DEAF1: variants seen among roughly 807,000 people sequenced by gnomAD.
The protein encoded by DEAF1 is DEAF1 transcription factor, also known as deformed epidermal autoregulatory factor 1 homolog.
In DEAF1, 53 loss-of-function variants were observed where a neutral mutation model predicts 58.9. The observed-to-expected ratio is 0.90, with a 90% CI of 0.72 to 1.13. The LOEUF (loss-of-function observed/expected upper bound fraction) is 1.13, where lower values mean the gene tolerates loss of function less well. DEAF1 is among the 50% of genes most tolerant of loss of function. DEAF1 has a pLI of 0.00. For missense variants in DEAF1, 685 were observed against 791.4 expected (o/e 0.87, Z 1.61); for synonymous variants, 385 against 340.4 (o/e 1.13, Z -1.44).
intron 10 of DEAF1, among the ~76,000 whole-genome samples, chr11:655,777 A>G (rs1439811600): frequency 2.0e-5 from 3 of 152,240 alleles, no homozygotes; most frequent in African/African-American, 7.2e-5. Flanking sequence ...CAGGAGCATT[A>G]GGAGGAATTT....
intron 1 of DEAF1, 127 bp from the exon 2 acceptor site, chr11:691,725 T>C (rs999969000): frequency 2.6e-6 from 2 of 764,928 alleles, no homozygotes; most frequent in African/African-American, 3.4e-5. Flanking sequence ...CAGGAAGATC[T>C]TAACACTTCC....
At chr11:695,986 C>G (rs532041455), upstream of DEAF1, 1 of 713,994 alleles carries the variant, frequency 1.4e-6, no homozygotes, top group African/African-American at 1.9e-5. Context: ...GCTCCGTCAC[C>G]CCATCGAGAA....
intron 10 of DEAF1, among the ~76,000 whole-genome samples, chr11:667,674 T>G (rs1315266111): frequency 5.9e-5 from 9 of 151,888 alleles, no homozygotes; most frequent in African/African-American, 2.2e-4. Flanking sequence ...CTGGGCATGG[T>G]GGTGTGTGCC....
At chr11:704,505 C>T (rs1315037294) in intron 1 of DEAF1, 14 of 1,289,194 alleles carry the variant, frequency 1.1e-5, no homozygotes, top group Admixed American at 4.6e-5. Flanking sequence ...CTGAGCGCCT[C>T]GGGCCACCTC....
intron 9 of DEAF1, among the ~76,000 whole-genome samples, chr11:676,945 G>C (rs1256016747): frequency 6.6e-6 from 1 of 152,176 alleles, no homozygotes; most frequent in Non-Finnish European, 1.5e-5. Context: ...ACGTGCACAT[G>C]AGAACATTTC....
chr11:678,613 C>G, intron 9 of DEAF1, 81 bp downstream of exon 9: 1 of 1,600,468 alleles, frequency 6.2e-7, no homozygotes, highest in Non-Finnish European at 8.6e-7. Context: ...CAAAATGAAT[C>G]CCATTTCACT....
chr11:701,471 C>G (rs1169174934), intron 1 of DEAF1, among the ~76,000 whole-genome samples: 1 of 133,528 alleles, frequency 7.5e-6, no homozygotes, highest in African/African-American at 2.9e-5. Context: ...AGTGCAGTGG[C>G]GTGAACTTGG....
At chr11:704,967 T>C in intron 1 of DEAF1, 1 of 322,134 alleles carries the variant, frequency 3.1e-6, no homozygotes, top group Non-Finnish European at 6.1e-6. Flanking sequence ...CAGGGCAAGC[T>C]CATGCATGGA....
rs769218560 is a variant in DEAF1, at chr11:681,027, T to C, written c.933A>G (p.Thr311=). Residue 311 remains threonine (T), a synonymous_variant, in exon 7 of 12, where the codon ACA becomes ACG. Transcript: ENST00000382409. ...TGGGGGAGTCCTTCTTCACGGGAGT[T>C]GTGGGCAGTTCATTCTCCTTCTTGC... ...KRRKKENELP[T]TPVKKDSPKN... is the part of the protein sequence containing the mutation. 6.2e-7 allele frequency: 1 copy of C among 1,614,096 alleles called. No individual in the cohort carries two copies. The highest frequency in any genetic ancestry group is 8.5e-7 in the Non-Finnish European group (1 of 1,180,012).
chr11:644,390 C>T lies in DEAF1; in HGVS notation c.*160G>A, dbSNP rs570556059. The T allele has an allele frequency of 5.9e-6, 4 of 680,412 alleles. No homozygotes were observed. The highest frequency in any genetic ancestry group is 5.4e-5 in the East Asian group (2 of 36,750). 42.1% of individuals were successfully genotyped at this position (680,412 alleles called of 1,614,324 possible). On this transcript the variant is annotated 3_prime_UTR_variant, in exon 12 of 12. Coordinates refer to ENST00000382409, the MANE Select transcript of DEAF1 (RefSeq NM_021008.4). The surrounding 1 kb of genome is among the most constrained non-coding windows in gnomAD (Gnocchi z 4.3). ...CAGGGGGAGTGCGCTTCCCAGGGCACCATTCGCTTAAAGTGTGTTAATGAC... is the reference window on the plus strand; with the variant it reads ...CAGGGGGAGTGCGCTTCCCAGGGCATCATTCGCTTAAAGTGTGTTAATGAC...
chr11:692,211 G>A (rs1292570333), intron 1 of DEAF1: 1 of 176,234 alleles, frequency 5.7e-6, no homozygotes. Context: ...CTGGCATGCA[G>A]ACAGGCCCTT....
At chr11:680,872 G>A in intron 7 of DEAF1, 91 bp downstream of exon 7, 1 of 1,567,178 alleles carries the variant, frequency 6.4e-7, no homozygotes, top group South Asian at 1.1e-5. Context: ...TTAGAAGTGA[G>A]AATCCCGCAG....
At chr11:649,112 A>C (rs574939483) in intron 11 of DEAF1, among the ~76,000 whole-genome samples, 4 of 152,118 alleles carry the variant, frequency 2.6e-5, no homozygotes, top group African/African-American at 9.6e-5. Flanking sequence ...TTAGCCTGGC[A>C]TGGTGGTGCA....
chr11:656,799 G>T (rs1227367684), intron 10 of DEAF1, among the ~76,000 whole-genome samples: 2 of 152,224 alleles, frequency 1.3e-5, no homozygotes, highest in African/African-American at 2.4e-5. Context: ...TGCCTCGCAG[G>T]CGCCTCTTCA....
At chr11:657,555 A>C (rs1302657521) in intron 10 of DEAF1, among the ~76,000 whole-genome samples, 1 of 152,210 alleles carries the variant, frequency 6.6e-6, no homozygotes, top group African/African-American at 2.4e-5. Context: ...AAGCCCCCCC[A>C]CGGCCGTGGA....
At chr11:669,071 C>T (rs992370598) in intron 10 of DEAF1, among the ~76,000 whole-genome samples, 4 of 151,034 alleles carry the variant, frequency 2.6e-5, no homozygotes, top group African/African-American at 9.7e-5. Flanking sequence ...GTGATCTGCC[C>T]GCCTCGGCCT....
intron 1 of DEAF1, among the ~76,000 whole-genome samples, chr11:705,865 C>A (rs866992628): frequency 6.6e-6 from 1 of 152,230 alleles, no homozygotes; most frequent in African/African-American, 2.4e-5. Flanking sequence ...CGCAGCTAGG[C>A]CCTGCCCAAG....
chr11:704,009 A>G (rs1156351416), intron 1 of DEAF1: 86 of 1,210,836 alleles, frequency 7.1e-5, no homozygotes, highest in Non-Finnish European at 8.8e-5. Context: ...CTGTTACAGT[A>G]GCTTTCCCTT....
At chr11:680,705 C>T (rs1257689568) in intron 7 of DEAF1, among the ~76,000 whole-genome samples, 28 of 152,188 alleles carry the variant, frequency 1.8e-4, no homozygotes, top group Admixed American at 1.8e-3. Context: ...CTCAGCCATG[C>T]TCACTCATAC....
Sources: gnomAD v4.1 joint callset for allele counts (sites outside exome capture counted in the v4.1 genomes callset) on GRCh38, gnomAD v4.1.1 for gene constraint, Gnocchi (gnomAD v3.1) non-coding constraint, MANE v1.5 for transcripts, NCBI Gene and HGNC (gene_info 2026-07-23, HGNC 2026-07-21) for gene names.